Variants in EXPH5 observed in about 807,000 individuals in gnomAD.
The protein encoded by EXPH5 is exophilin 5.
Under a neutral mutation model 41.1 loss-of-function variants are expected in EXPH5, and 42 were observed. The ratio of observed to expected loss-of-function variants is 1.02; its 90% CI spans 0.80 to 1.32. The LOEUF (loss-of-function observed/expected upper bound fraction) is 1.32. EXPH5 is among the 40% of genes most tolerant of loss of function. The pLI is 0.00. For missense variants in EXPH5, 2,298 were observed against 2,314.5 expected, an observed-to-expected ratio of 0.99 and a Z score of 0.15; for synonymous variants, 798 against 833.5, an observed-to-expected ratio of 0.96 and a Z score of 0.73.
intron 3 of EXPH5, among the ~76,000 whole-genome samples, chr11:108,532,358 ATATATATATTTTTTTTTTT>A (rs1252119536): frequency 6.8e-4 from 13 of 19,006 alleles, no homozygotes; most frequent in African/African-American, 5.5e-3. Context: ...ATATATATAT[ATATATATATTTTTTTTTTT>A]TTTTTTTTTT....
rs775711259 is a variant in EXPH5 at position 108,511,441 on chromosome 11, G to T, written c.4066C>A (p.Leu1356Ile). The T allele has an allele frequency of 6.3e-7, 1 of 1,589,864 alleles. No individual in the cohort carries two copies. The highest frequency in any genetic ancestry group is 1.2e-5 in the South Asian group (1 of 86,360). Residue 1356 changes from leucine to isoleucine, a missense_variant, in exon 6 of 6, where the codon CTT becomes ATT. Transcript: ENST00000265843. ...CTAGCTTTAGATTCCTCTTCAGGAA[G>T]AGAAACAGCTGCCTCAACAGAAGCC... ...EMASVEAAVS[L>I]PEEESKAREI...
chr11:108,529,418 G>A (rs1283456869), intron 3 of EXPH5, among the ~76,000 whole-genome samples: 3 of 152,086 alleles, frequency 2.0e-5, no homozygotes, highest in African/African-American at 2.4e-5. Context: ...CTGTGGCCTC[G>A]ACCTCCTGGG....
intron 1 of EXPH5, among the ~76,000 whole-genome samples, chr11:108,551,833 G>C (rs2093966732): frequency 6.6e-6 from 1 of 152,090 alleles, no homozygotes; most frequent in Non-Finnish European, 1.5e-5. Context: ...TCCCACGCAG[G>C]AATCCAAACA....
intron 1 of EXPH5, among the ~76,000 whole-genome samples, chr11:108,560,629 G>T (rs1181282946): frequency 2.0e-5 from 3 of 152,182 alleles, no homozygotes; most frequent in East Asian, 1.9e-4. Context: ...TCATCCAGAA[G>T]ACCTTGTTAA....
At chr11:108,561,536 C>G (rs929644499) in intron 1 of EXPH5, among the ~76,000 whole-genome samples, 5 of 152,136 alleles carry the variant, frequency 3.3e-5, no homozygotes, top group Non-Finnish European at 7.3e-5. Flanking sequence ...GGAGTCTGTC[C>G]TACTCATAGT....
In EXPH5 at chr11:108,565,475, C is replaced by T. The variant is rs575179343; in HGVS notation, c.120-23663G>A. 2.8e-4 allele frequency among the ~76,000 whole-genome samples: 43 copies of T among 152,248 alleles called. 1 individual carries two copies. The South Asian group carries it at 8.5e-3, about 30-fold the overall frequency. On this transcript the variant is annotated intron_variant, in intron 1 of 5. Transcript: ENST00000265843. ...CTTCTTGGTTGTTTGCTTCCTATTG[C>T]TCTTGCCTTTCTTCAAGTTGCACGA...
intron 1 of EXPH5, among the ~76,000 whole-genome samples, chr11:108,575,312 A>C (rs996800640): frequency 6.6e-6 from 1 of 152,234 alleles, no homozygotes; most frequent in African/African-American, 2.4e-5. Context: ...GTGAAGGTGC[A>C]ATTTGGTAGA....
chr11:108,599,650 G>C, the EXPH5 span, among the ~76,000 whole-genome samples: 2 of 152,148 alleles, frequency 1.3e-5, no homozygotes, highest in African/African-American at 4.8e-5. Flanking sequence ...TTCACTCTTT[G>C]AACATTCTTC....
At chr11:108,518,161 T>G in intron 5 of EXPH5, 74 bp downstream of exon 5, 2 of 1,377,390 alleles carry the variant, frequency 1.5e-6, no homozygotes, top group Admixed American at 2.0e-5. Flanking sequence ...TTTGAGTAGT[T>G]TGATACAAAC....
intron 5 of EXPH5, among the ~76,000 whole-genome samples, chr11:108,517,164 G>A (rs2093731986): frequency 6.6e-6 from 1 of 152,166 alleles, no homozygotes; most frequent in Non-Finnish European, 1.5e-5. Flanking sequence ...AAGCCACTTA[G>A]AATCCCAGAT....
chr11:108,515,363 A>G (rs1444306825), intron 5 of EXPH5, among the ~76,000 whole-genome samples: 1 of 148,416 alleles, frequency 6.7e-6, no homozygotes, highest in African/African-American at 2.6e-5. Flanking sequence ...AATAGAAATG[A>G]ACCTCTGTAA....
At chr11:108,607,531 T>C in the EXPH5 span, among the ~76,000 whole-genome samples, 1 of 152,238 alleles carries the variant, frequency 6.6e-6, no homozygotes, top group Non-Finnish European at 1.5e-5. Flanking sequence ...GGCTCTACGA[T>C]GTACTAACCA....
chr11:108,576,704 T>G (rs2094080808), intron 1 of EXPH5, among the ~76,000 whole-genome samples: 1 of 152,222 alleles, frequency 6.6e-6, no homozygotes, highest in African/African-American at 2.4e-5. Flanking sequence ...AGATATCCAT[T>G]GCCTCAAGCA....
At chr11:108,551,316 A>G (rs1001543059) in intron 1 of EXPH5, among the ~76,000 whole-genome samples, 5 of 152,260 alleles carry the variant, frequency 3.3e-5, no homozygotes, top group African/African-American at 1.2e-4. Flanking sequence ...AACAGGCAGT[A>G]ATGAGAATTC....
In EXPH5 at chr11:108,575,293, G is replaced by A. The variant is rs116067398; in HGVS notation, c.119+18125C>T. 2.3e-3 allele frequency among the ~76,000 whole-genome samples: 354 copies of A among 152,334 alleles called. 1 individual carries two copies. Among genetic ancestry groups the A allele is most frequent in the African/African-American group, 7.6e-3 (315 of 41,580 alleles). ...GATTCGTTAAAACAAAGGCCTTCCC[G>A]CACTGCCAGTGAAGGTGCAATTTGG... On this transcript the variant is annotated intron_variant, in intron 1 of 5. Transcript: ENST00000265843.
Position 108,512,131 on chromosome 11 carries a change from G to T in EXPH5, c.3376C>A (p.Pro1126Thr). The T allele has an allele frequency of 1.9e-6, 3 of 1,613,806 alleles. No individual in the cohort carries two copies. Among genetic ancestry groups the T allele is most frequent in the Non-Finnish European group, 2.5e-6 (3 of 1,179,902 alleles). The change falls in exon 6 of 6, where the codon CCC becomes ACC. Residue 1126 changes from proline to threonine, a missense_variant. Coordinates refer to ENST00000265843, the MANE Select transcript of EXPH5 (RefSeq NM_015065.3). The stretch of plus-strand genomic sequence containing the variant: ...GTTGAGGCATGTGGCTCCCCTGAGG[G>T]ACATGACATAGCCCTGTTGATGAGG... ...PFLINRAMSC[P>T]SGEPHASTGR... is the part of the protein sequence containing the mutation.
At chr11:108,568,995 C>T (rs1215764861) in intron 1 of EXPH5, among the ~76,000 whole-genome samples, 1 of 152,108 alleles carries the variant, frequency 6.6e-6, no homozygotes, top group African/African-American at 2.4e-5. Context: ...GCTCAGGGGC[C>T]TCGGCTCAGC....
chr11:108,593,749 T>C lies in EXPH5; in HGVS notation c.-213A>G. On this transcript the variant is annotated 5_prime_UTR_variant, in exon 1 of 6. Transcript: ENST00000265843. ...TTAATGACATGTTTCTCTCAACCTGTCCAACCGAGATGCAAAGTGAACGGC... is the reference window on the plus strand; with the variant it reads ...TTAATGACATGTTTCTCTCAACCTGCCCAACCGAGATGCAAAGTGAACGGC... The C allele has an allele frequency of 1.3e-6, 2 of 1,536,058 alleles. No individual in the cohort carries two copies. Among genetic ancestry groups the C allele is most frequent in the South Asian group, 1.2e-5 (1 of 84,142 alleles).
rs183838506 is a variant in EXPH5 at position 108,534,154 on chromosome 11, C to T, written c.443+4870G>A. Among the ~76,000 whole-genome samples the T allele has an allele frequency of 2.6e-4, 39 of 152,252 alleles. No individual in the cohort carries two copies. In the East Asian group the frequency reaches 7.5e-3, roughly 29 times the overall value. On this transcript the variant is annotated intron_variant, in intron 3 of 5. Transcript: ENST00000265843. Reference sequence around the variant, plus strand: ...TAACAAAATCACCGTTGGTTGAAAACCATTGAGGTACAGTAATCTCTCTAA... The same window carrying T: ...TAACAAAATCACCGTTGGTTGAAAATCATTGAGGTACAGTAATCTCTCTAA...
Sources: gnomAD v4.1 joint callset for allele counts (sites outside exome capture counted in the v4.1 genomes callset) on GRCh38, gnomAD v4.1.1 for gene constraint, MANE v1.5 for transcripts, NCBI Gene and HGNC (gene_info 2026-07-23, HGNC 2026-07-21) for gene names.